Variants in GHR observed in about 807,000 individuals in gnomAD.
GHR encodes the protein growth hormone receptor.
In GHR, 35 loss-of-function variants were observed where a neutral mutation model predicts 67.1. That is an observed-to-expected ratio of 0.52 (90% CI 0.40 to 0.69). The LOEUF is 0.69. Ranked by LOEUF, GHR falls within the 30% of genes least tolerant of loss-of-function variation. The probability of loss-of-function intolerance (pLI) is 0.00; values close to 1 mark genes in which losing one functional copy is unlikely to be tolerated. For synonymous variants in GHR, 272 were observed against 269.1 expected (o/e 1.01, Z -0.10); for missense variants, 792 against 764.6 (o/e 1.04, Z -0.42).
chr5:42,515,756 A>G (rs919301587), intron 1 of GHR, among the ~76,000 whole-genome samples: 7 of 152,244 alleles, frequency 4.6e-5, no homozygotes, highest in African/African-American at 1.7e-4. Flanking sequence ...CTTCATAACC[A>G]GGAAGAATAA....
chr5:42,587,546 C>A (rs545604736), intron 2 of GHR, among the ~76,000 whole-genome samples: 1 of 152,290 alleles, frequency 6.6e-6, no homozygotes, highest in Admixed American at 6.5e-5. Flanking sequence ...CTAAACTCCA[C>A]CTCCTTCTTC....
chr5:42,498,323 A>G (rs1172722311), intron 1 of GHR, among the ~76,000 whole-genome samples: 1 of 152,168 alleles, frequency 6.6e-6, no homozygotes, highest in Non-Finnish European at 1.5e-5. Context: ...TTCTCCCTTG[A>G]GTCTGGAGAT....
chr5:42,548,067 C>T, intron 1 of GHR: 1 of 985,222 alleles, frequency 1.0e-6, no homozygotes, highest in Non-Finnish European at 1.2e-6. Flanking sequence ...ATTTGGCTGC[C>T]TCCATTGTAA....
chr5:42,698,805 C>T (rs1757797358), intron 5 of GHR, among the ~76,000 whole-genome samples: 2 of 152,098 alleles, frequency 1.3e-5, no homozygotes, highest in South Asian at 4.1e-4. Flanking sequence ...TCTGTATCTG[C>T]AAGTGATTTT....
intron 1 of GHR, among the ~76,000 whole-genome samples, chr5:42,513,614 C>T (rs913451272): frequency 6.6e-6 from 1 of 152,124 alleles, no homozygotes; most frequent in African/African-American, 2.4e-5. Context: ...GAAACCTTGT[C>T]GCTACTGAAA....
At chr5:42,458,152 A>G (rs931813197) in intron 1 of GHR, among the ~76,000 whole-genome samples, 4 of 152,200 alleles carry the variant, frequency 2.6e-5, no homozygotes, top group Non-Finnish European at 4.4e-5. Flanking sequence ...AGGTTTTTAG[A>G]TTGATTGGAC....
intron 2 of GHR, among the ~76,000 whole-genome samples, chr5:42,570,226 T>TG (rs1750211475): frequency 6.6e-6 from 1 of 152,154 alleles, no homozygotes. Context: ...ACAGTGAAGG[T>TG]GGGGAAAAAA....
chr5:42,702,399 T>C (rs12652476), intron 6 of GHR, among the ~76,000 whole-genome samples: 2,712 of 152,238 alleles, frequency 0.018, 140 homozygotes, highest in South Asian at 0.17. Flanking sequence ...TTAAGGCTGA[T>C]AGCATTCCAT....
chr5:42,538,275 A>G (rs188731596), intron 1 of GHR, among the ~76,000 whole-genome samples: 8 of 152,056 alleles, frequency 5.3e-5, no homozygotes, highest in South Asian at 4.1e-4. Flanking sequence ...TATAAGTCCT[A>G]TGTGATTTAG....
At chr5:42,593,664 T>G (rs146262583) in intron 2 of GHR, among the ~76,000 whole-genome samples, 58 of 152,232 alleles carry the variant, frequency 3.8e-4, no homozygotes, top group African/African-American at 7.7e-4. Flanking sequence ...GAATTTGGAG[T>G]GAGGCCCTGA....
At chr5:42,704,208 T>C (rs1452701205) in intron 6 of GHR, among the ~76,000 whole-genome samples, 1 of 151,986 alleles carries the variant, frequency 6.6e-6, no homozygotes, top group Admixed American at 6.6e-5. Context: ...TATATGGCCT[T>C]TATTGTGTTG....
chr5:42,584,015 C>T (rs1249278261), intron 2 of GHR, among the ~76,000 whole-genome samples: 1 of 151,680 alleles, frequency 6.6e-6, no homozygotes, highest in African/African-American at 2.4e-5. Context: ...CTTTGCGGTC[C>T]GTTAGTAGTC....
At chr5:42,514,915 A>G (rs544771257) in intron 1 of GHR, 103 of 152,318 alleles carry the variant, frequency 6.8e-4, no homozygotes, top group African/African-American at 2.3e-3. Flanking sequence ...GGTGATGGTG[A>G]CAACTATTAA....
chr5:42,693,475 C>A (rs1757517793), intron 4 of GHR, among the ~76,000 whole-genome samples: 1 of 152,104 alleles, frequency 6.6e-6, no homozygotes, highest in African/African-American at 2.4e-5. Flanking sequence ...ACCAAAGCAG[C>A]AATTCACTGT....
chr5:42,719,220 C>G lies in GHR; in HGVS notation c.1713C>G (p.Ser571Arg), dbSNP rs758353977. The G allele has an allele frequency of 6.2e-7, 1 of 1,614,042 alleles. No individual in the cohort carries two copies. The highest frequency in any genetic ancestry group is 8.5e-7 in the Non-Finnish European group (1 of 1,179,940). ...AGGACATTTACATCACCACAGAAAG[C>G]CTTACCACTGCTGCTGGGAGGCCTG... is the stretch of plus-strand genomic sequence containing the variant. Reference protein sequence around the residue: ...NQEDIYITTESLTTAAGRPGT... With the variant: ...NQEDIYITTERLTTAAGRPGT... Residue 571 changes from serine (S) to arginine (R), a missense_variant, in exon 10 of 10, where the codon AGC becomes AGG. Physicochemically the swap from Ser to Arg is moderately radical, Grantham distance 110. Coordinates refer to ENST00000230882, the MANE Select transcript of GHR (RefSeq NM_000163.5).
At chr5:42,605,088 C>CTTTTT (rs1439364062) in intron 2 of GHR, among the ~76,000 whole-genome samples, 1 of 135,752 alleles carries the variant, frequency 7.4e-6, no homozygotes, top group African/African-American at 3.0e-5. Flanking sequence ...TTTGTGGTGC[C>CTTTTT]TCTTTTTTTT....
At chr5:42,688,053 G>A (rs1490419209) in intron 3 of GHR, among the ~76,000 whole-genome samples, 1 of 152,212 alleles carries the variant, frequency 6.6e-6, no homozygotes, top group Non-Finnish European at 1.5e-5. Context: ...ATTAACACAT[G>A]AGTATGTATA....
chr5:42,501,542 T>C (rs1360149287), intron 1 of GHR, among the ~76,000 whole-genome samples: 1 of 152,186 alleles, frequency 6.6e-6, no homozygotes, highest in Non-Finnish European at 1.5e-5. Context: ...ATCTATGCAC[T>C]GTTGACATTT....
chr5:42,572,358 C>A (rs1750374586), intron 2 of GHR, among the ~76,000 whole-genome samples: 2 of 152,142 alleles, frequency 1.3e-5, no homozygotes, highest in South Asian at 4.1e-4. Context: ...CAATGTGGCT[C>A]CATTTTAACT....
Sources: allele counts gnomAD v4.1 joint callset (sites outside exome capture counted in the v4.1 genomes callset), GRCh38; gene constraint gnomAD v4.1.1; transcripts MANE v1.5; gene names NCBI Gene and HGNC (gene_info 2026-07-23, HGNC 2026-07-21).